The following ABTB1 variants were observed in gnomAD, a reference collection of about 807,000 sequenced individuals.
ABTB1 encodes the protein ankyrin repeat and BTB/POZ domain-containing protein 1.
Under a neutral mutation model 57.1 loss-of-function variants are expected in ABTB1, and 45 were observed. The observed-to-expected ratio is 0.79, with a 90% CI of 0.62 to 1.01. The LOEUF is 1.01. Among genes scored for constraint, ABTB1 ranks in the 50% least tolerant of loss-of-function variants. The probability of loss-of-function intolerance (pLI) is 0.00; values close to 1 mark genes in which losing one functional copy is unlikely to be tolerated. For synonymous variants in ABTB1, 302 were observed against 275.4 expected (o/e 1.10, Z -0.95); for missense variants, 630 against 666.3 (o/e 0.95, Z 0.60).
At position 127,680,737 on chromosome 3, in the gene ABTB1, G is replaced by T. The variant is rs776291979; in HGVS notation, c.*262G>T. 1.5e-6 allele frequency: 1 copy of T among 672,064 alleles called. No individual in the cohort carries two copies. Among genetic ancestry groups the T allele is most frequent in the Admixed American group, 2.4e-5 (1 of 41,896 alleles). 41.6% of individuals were successfully genotyped at this position (672,064 alleles called of 1,614,324 possible). A position where few individuals can be genotyped will look rare whatever the true frequency, so the allele number is the denominator to read the frequency against. On this transcript the variant is annotated 3_prime_UTR_variant, in exon 12 of 12. Coordinates refer to ENST00000232744, the MANE Select transcript of ABTB1 (RefSeq NM_172027.3). ...ACCACTCAGGGAAACCTGGGGTGGG[G>T]GTGGGCTTTGGTCTTAGCACTTTCC...
chr3:127,679,705 C>T, intron 10 of ABTB1: 1 of 565,698 alleles, frequency 1.8e-6, no homozygotes, highest in Non-Finnish European at 3.3e-6. Context: ...AGCTCAGACC[C>T]TGGCTCCTGC....
chr3:127,676,941 G>T lies in ABTB1; in HGVS notation c.527-26G>T. The T allele has an allele frequency of 6.2e-7, 1 of 1,607,264 alleles. No individual in the cohort carries two copies. On this transcript the variant is annotated intron_variant, in intron 6 of 11. Transcript: ENST00000232744. This position sits in a 1 kb window ranked among gnomAD's most constrained non-coding sequence, Gnocchi z 5.4. ...CCTGATGACAGCTGAGGTCCCGCAGGCCCTCATCCTCCCCACTGCCCCCAG... is the reference window on the plus strand; with the variant it reads ...CCTGATGACAGCTGAGGTCCCGCAGTCCCTCATCCTCCCCACTGCCCCCAG...
intron 10 of ABTB1, chr3:127,679,768 C>G: frequency 1.7e-6 from 1 of 592,618 alleles, no homozygotes; most frequent in South Asian, 1.9e-5. Flanking sequence ...ATGGGAGAAC[C>G]CCCCAGTCTT....
In ABTB1 at chr3:127,680,265, A is replaced by G. The variant is rs767837439; in HGVS notation, c.1231-4A>G. On this transcript the variant is annotated splice_region_variant and splice_polypyrimidine_tract_variant and intron_variant, in intron 11 of 11. Coordinates refer to ENST00000232744, the MANE Select transcript of ABTB1 (RefSeq NM_172027.3). ...TCCACTGAGCTGGCCCTTCCCGCTC[A>G]TAGCTGGTGGAGCGGGAGGACTTCG... 6.2e-7 allele frequency: 1 copy of G among 1,613,584 alleles called. No individual in the cohort carries two copies. The highest frequency in any genetic ancestry group is 1.7e-5 in the Admixed American group (1 of 60,000).
chr3:127,677,772 G>A lies in ABTB1; in HGVS notation c.958G>A (p.Val320Ile), dbSNP rs368990352. 30 of 1,612,192 alleles carry A rather than the reference G, an allele frequency of 1.9e-5. No homozygotes were observed. The highest frequency in any genetic ancestry group is 4.5e-5 in the East Asian group (2 of 44,874). Residue 320 changes from valine to isoleucine, a missense_variant, in exon 10 of 12, where the codon GTC (valine) becomes ATC (isoleucine). By Grantham distance (29) the Val-to-Ile change is conservative. Transcript: ENST00000232744. The part of the protein sequence containing the change: ...EPATSGGPPA[V>I]TLHGISPDVF... Reference sequence around the variant, plus strand: ...AGCGACCTCAGGGGGCCCCCCAGCCGTCACCCTGCATGGCATCTCACCCGA... The same window carrying A: ...AGCGACCTCAGGGGGCCCCCCAGCCATCACCCTGCATGGCATCTCACCCGA...
At position 127,676,206 on chromosome 3, in the gene ABTB1, T is replaced by C. The variant is rs576070490; in HGVS notation, c.321-66T>C. ...TCTGACTGTGGCCTGCACTGGGTTC[T>C]GAGTGCTCCGAGGAATGGGGTGGGG... On this transcript the variant is annotated intron_variant, in intron 4 of 11. Transcript: ENST00000232744. The surrounding 1 kb of genome is among the most constrained non-coding windows in gnomAD (Gnocchi z 5.4). 157 of 1,605,334 alleles carry C rather than the reference T, an allele frequency of 9.8e-5. 1 individual carries two copies. The African/African-American group carries it at 1.9e-3, about 19-fold the overall frequency.
Position 127,673,056 on chromosome 3 carries a change from A to G in ABTB1, c.31A>G (p.Arg11Gly). The change falls in exon 1 of 12, where the codon AGG (arginine) becomes GGG (glycine). Residue 11 changes from arginine (R) to glycine (G), a missense_variant. Arg to Gly is a moderately radical substitution (Grantham distance 125, BLOSUM62 -2). This residue lies in a region of ABTB1 where 579 missense variants were observed against 585.9 expected (regional missense o/e 0.99). Coordinates refer to ENST00000232744, the MANE Select transcript of ABTB1 (RefSeq NM_172027.3). MDTSDLFASC[R>G]KGDVGRVRYL... The stretch of plus-strand genomic sequence containing the variant: ...CACCAGCGACCTGTTCGCCAGCTGC[A>G]GGAAGGGGGATGTGGGCCGAGTGCG... 2 of 1,576,198 alleles carry G rather than the reference A, an allele frequency of 1.3e-6. No homozygotes were observed. Among genetic ancestry groups the G allele is most frequent in the Non-Finnish European group, 1.7e-6 (2 of 1,161,200 alleles).
Position 127,676,917 on chromosome 3 carries a change from C to T in ABTB1, c.527-50C>T, listed in dbSNP as rs748150398. The T allele has an allele frequency of 6.4e-6, 10 of 1,572,930 alleles. No homozygotes were observed. The South Asian group carries it at 1.1e-4, about 18-fold the overall frequency. ...AGGGGATCACCCTTTTTCTGTGGGC[C>T]TGATGACAGCTGAGGTCCCGCAGGC... On this transcript the variant is annotated intron_variant, in intron 6 of 11. Transcript: ENST00000232744. The surrounding 1 kb of genome is among the most constrained non-coding windows in gnomAD (Gnocchi z 5.4).
At chr3:127,674,839 G>A (rs532895810) in intron 3 of ABTB1, among the ~76,000 whole-genome samples, 1 of 152,244 alleles carries the variant, frequency 6.6e-6, no homozygotes, top group Non-Finnish European at 1.5e-5. Flanking sequence ...ATTTCTCCCC[G>A]GACACGGTGC....
At chr3:127,677,946 C>CCATGGTTGA in intron 10 of ABTB1, 103 bp downstream of exon 10, 1 of 1,417,576 alleles carries the variant, frequency 7.1e-7, no homozygotes, top group South Asian at 1.3e-5. Flanking sequence ...CCAGCTGGCC[C>CCATGGTTGA]CATGGTTGAC....
rs371396485 is a variant in ABTB1, at chr3:127,675,820, T to C, written c.176-150T>C. Reference sequence around the variant, plus strand: ...TTCGCCTAGCCCTTGACTGGGAGGGTGTTGGGGTCAGAGTGGGCCCAGGGT... The same window carrying C: ...TTCGCCTAGCCCTTGACTGGGAGGGCGTTGGGGTCAGAGTGGGCCCAGGGT... On this transcript the variant is annotated intron_variant, in intron 3 of 11. Transcript: ENST00000232744. 2.2e-4 allele frequency: 222 copies of C among 1,005,964 alleles called. No homozygotes were observed. The African/African-American group carries it at 3.2e-3, about 15-fold the overall frequency. The allele number at this position is 1,005,964 out of a possible 1,614,324, so 62.3% of individuals were successfully genotyped here. A position where few individuals can be genotyped will look rare whatever the true frequency, so the allele number is the denominator to read the frequency against.
chr3:127,680,169 C>T lies in ABTB1; in HGVS notation c.1214C>T (p.Ala405Val). ...RLEDQCTEYM[A>V]KVIEKLVERE... ...GAGGACCAGTGCACTGAGTACATGG[C>T]CAAGGTCATTGAGAAGGTGGGCCAG... is the stretch of plus-strand genomic sequence containing the variant. Residue 405 changes from alanine to valine, a missense_variant, in exon 11 of 12, where the codon GCC (alanine) becomes GTC (valine). Around this residue, in one of 3 missense-constraint regions of ABTB1, gnomAD observed 579 missense variants for 585.9 expected, o/e 0.99. Transcript: ENST00000232744. The T allele has an allele frequency of 6.2e-7, 1 of 1,613,888 alleles. No individual in the cohort carries two copies. Among genetic ancestry groups the T allele is most frequent in the Non-Finnish European group, 8.5e-7 (1 of 1,179,992 alleles).
rs751487305 is a variant in ABTB1, at chr3:127,676,420, A to G, written c.469A>G (p.Arg157Gly). 15 of 1,613,934 alleles carry G rather than the reference A, an allele frequency of 9.3e-6. No individual in the cohort carries two copies. The highest frequency in any genetic ancestry group is 1.3e-5 in the Non-Finnish European group (15 of 1,179,952). The change falls in exon 5 of 12, where the codon AGG becomes GGG. Residue 157 changes from arginine (R) to glycine (G), a missense_variant. Around this residue, in one of 3 missense-constraint regions of ABTB1, gnomAD observed 579 missense variants for 585.9 expected, o/e 0.99. Transcript: ENST00000232744. This position sits in a 1 kb window ranked among gnomAD's most constrained non-coding sequence, Gnocchi z 5.4. The part of the protein sequence containing the change: ...KWKGKSVVVL[R>G]HPLINPVAFG... ...GAAGGGCAAGAGTGTCGTGGTTCTC[A>G]GGCACCCACTGGTATGTCCCTTCAG...
intron 3 of ABTB1, chr3:127,675,756 G>C: frequency 1.6e-6 from 1 of 614,820 alleles, no homozygotes; most frequent in Non-Finnish European, 2.8e-6. Context: ...TTCCGTGTGA[G>C]TGAGTATGTG....
rs1215120864 is a variant in ABTB1, at chr3:127,677,305, G to T, written c.762+19G>T. ...GCTCCGAGTAAGTGCGGGGCTGGTG[G>T]GCAGGAAGGGCGTTTTGGGATGGCA... On this transcript the variant is annotated intron_variant, in intron 8 of 11. Coordinates refer to ENST00000232744, the MANE Select transcript of ABTB1 (RefSeq NM_172027.3). 6.3e-7 allele frequency: 1 copy of T among 1,581,936 alleles called. No homozygotes were observed.
intron 10 of ABTB1, chr3:127,679,005 T>C: frequency 6.5e-6 from 1 of 154,828 alleles, no homozygotes; most frequent in Non-Finnish European, 1.4e-5. Flanking sequence ...CCTCCATCTT[T>C]CCCACCCCCT....
chr3:127,678,105 T>A, intron 10 of ABTB1: 1 of 320,950 alleles, frequency 3.1e-6, no homozygotes, highest in Non-Finnish European at 6.0e-6. Context: ...CCTCAGCTTC[T>A]CTAGCAGGAG....
Position 127,680,636 on chromosome 3 carries a change from C to A in ABTB1, c.*161C>A. 1 of 926,392 alleles carries A rather than the reference C, an allele frequency of 1.1e-6. No individual in the cohort carries two copies. The highest frequency in any genetic ancestry group is 1.7e-6 in the Non-Finnish European group (1 of 580,504). The allele number at this position is 926,392 out of a possible 1,614,324, so 57.4% of individuals were successfully genotyped here. On this transcript the variant is annotated 3_prime_UTR_variant, in exon 12 of 12. Coordinates refer to ENST00000232744, the MANE Select transcript of ABTB1 (RefSeq NM_172027.3). ...CTCTTCCCTCCATGAGCCTGGAGAC[C>A]CCAGGGGAGGATCCATTTGGGATGA...
chr3:127,677,318 T>C, intron 8 of ABTB1, 32 bp downstream of exon 8: 1 of 1,577,224 alleles, frequency 6.3e-7, no homozygotes, highest in South Asian at 1.1e-5. Context: ...AGGAAGGGCG[T>C]TTTGGGATGG....
Sources: allele counts gnomAD v4.1 joint callset (sites outside exome capture counted in the v4.1 genomes callset), GRCh38; gene constraint gnomAD v4.1.1; regional missense constraint gnomAD v4.1.1; non-coding constraint Gnocchi (gnomAD v3.1); transcripts MANE v1.5; gene names NCBI Gene and HGNC (gene_info 2026-07-23, HGNC 2026-07-21).